FAM161B: variants seen among roughly 807,000 people sequenced by gnomAD.
FAM161B encodes the protein FAM161 centrosomal protein B.
A neutral mutation model predicts 61.5 loss-of-function variants in FAM161B; 46 were observed. That is an observed-to-expected ratio of 0.75 (90% CI 0.59 to 0.96). The LOEUF (loss-of-function observed/expected upper bound fraction) is 0.96. FAM161B is among the 40% of genes least tolerant of loss of function. The pLI is 0.00. For missense variants in FAM161B, 774 were observed against 800.7 expected, an observed-to-expected ratio of 0.97 and a Z score of 0.40; for synonymous variants, 284 against 302.7, an observed-to-expected ratio of 0.94 and a Z score of 0.64.
At chr14:73,938,975 T>C (rs2055995000) in intron 5 of FAM161B, among the ~76,000 whole-genome samples, 1 of 152,024 alleles carries the variant, frequency 6.6e-6, no homozygotes, top group Admixed American at 6.5e-5. Context: ...TAGAAGTGCA[T>C]TTACTGAACT....
At chr14:73,923,417 A>C in the FAM161B span, 2 of 1,613,772 alleles carry the variant, frequency 1.2e-6, no homozygotes, top group Non-Finnish European at 1.7e-6. Flanking sequence ...AAGGATCCCC[A>C]CGTTCCCTGT....
chr14:73,928,744 G>C (rs1389984163), downstream of FAM161B, among the ~76,000 whole-genome samples: 1 of 152,110 alleles, frequency 6.6e-6, no homozygotes, highest in Non-Finnish European at 1.5e-5. Flanking sequence ...AGAAGTTCGA[G>C]ACAAGCCTGG....
At chr14:73,947,299 C>T (rs184435386) in intron 1 of FAM161B, among the ~76,000 whole-genome samples, 3 of 150,060 alleles carry the variant, frequency 2.0e-5, no homozygotes, top group South Asian at 4.2e-4. Flanking sequence ...GCAGGAGAAT[C>T]GCTTGAACCC....
At chr14:73,945,003 C>T in intron 2 of FAM161B, 118 bp from the exon 3 acceptor site, 6 of 714,178 alleles carry the variant, frequency 8.4e-6, no homozygotes, top group Non-Finnish European at 1.0e-5. Flanking sequence ...CAGCCTAACA[C>T]CACAGCCCCA....
At chr14:73,937,498 G>A (rs2055979517) in intron 7 of FAM161B, 104 bp downstream of exon 7, 1 of 979,312 alleles carries the variant, frequency 1.0e-6, no homozygotes, top group Non-Finnish European at 1.6e-6. Context: ...AGAATTTCTG[G>A]GCCTCAAGGA....
chr14:73,935,900 G>A, intron 8 of FAM161B, 49 bp downstream of exon 8: 1 of 1,576,250 alleles, frequency 6.3e-7, no homozygotes. Flanking sequence ...GGTATTACTG[G>A]GTATGACAAT....
downstream of FAM161B, chr14:73,927,236 C>A: frequency 4.4e-6 from 1 of 228,446 alleles, no homozygotes; most frequent in South Asian, 3.8e-5. Flanking sequence ...CAGGCAGGTG[C>A]CACCACGCCC....
chr14:73,929,844 G>A (rs2055885572), downstream of FAM161B, among the ~76,000 whole-genome samples: 1 of 151,910 alleles, frequency 6.6e-6, no homozygotes, highest in Non-Finnish European at 1.5e-5. Context: ...ATTACCATGG[G>A]AAAAATATCA....
At chr14:73,946,068 T>C (rs1421630188) in intron 2 of FAM161B, among the ~76,000 whole-genome samples, 1 of 152,190 alleles carries the variant, frequency 6.6e-6, no homozygotes, top group Non-Finnish European at 1.5e-5. Flanking sequence ...TTAATTCCAG[T>C]GCATCACTGG....
Position 73,944,899 on chromosome 14 carries a change from A to G in FAM161B, c.375-14T>C. The G allele has an allele frequency of 6.7e-7, 1 of 1,503,024 alleles. No homozygotes were observed. The highest frequency in any genetic ancestry group is 8.9e-7 in the Non-Finnish European group (1 of 1,129,542). 93.1% of individuals were successfully genotyped at this position (1,503,024 alleles called of 1,614,324 possible). A position where few individuals can be genotyped will look rare whatever the true frequency, so the allele number is the denominator to read the frequency against. ...GTGGAGCCACACCTGGGAAAAAAGC[A>G]GATCTGTGAGTGGAGGACAGGGCAG... On this transcript the variant is annotated splice_polypyrimidine_tract_variant and intron_variant, in intron 2 of 8. Transcript: ENST00000286544.
the FAM161B span, chr14:73,924,728 G>A: frequency 4.6e-6 from 2 of 438,550 alleles, no homozygotes; most frequent in Non-Finnish European, 9.0e-6. Flanking sequence ...CCAGGCTGGA[G>A]TGCAGTGGTG....
At chr14:73,938,262 C>T in intron 5 of FAM161B, 150 bp from the exon 6 acceptor site, 2 of 771,730 alleles carry the variant, frequency 2.6e-6, no homozygotes, top group Non-Finnish European at 4.1e-6. Context: ...AGTCCAAGAC[C>T]AGCCTGGCCA....
chr14:73,939,923 C>T (rs2056003151), intron 5 of FAM161B, among the ~76,000 whole-genome samples: 1 of 152,354 alleles, frequency 6.6e-6, no homozygotes, highest in Admixed American at 6.5e-5. Flanking sequence ...AGGCCAGCCT[C>T]TTTGTTCAGG....
chr14:73,924,713 G>A, the FAM161B span: 14 of 443,338 alleles, frequency 3.2e-5, no homozygotes, highest in East Asian at 7.0e-5. Context: ...GTCTCGCTCC[G>A]TTGCCCAGGC....
At chr14:73,946,182 T>A in intron 2 of FAM161B, 104 bp downstream of exon 2, 1 of 1,237,256 alleles carries the variant, frequency 8.1e-7, no homozygotes, top group Non-Finnish European at 1.1e-6. Context: ...AATGGCAACT[T>A]GCAGAAGTGC....
intron 4 of FAM161B, 28 bp downstream of exon 4, chr14:73,942,341 A>T (rs1210807988): frequency 6.2e-7 from 1 of 1,604,466 alleles, no homozygotes; most frequent in Admixed American, 1.7e-5. Context: ...CGCAGCCCTG[A>T]CCCTCCCACA....
Position 73,932,609 on chromosome 14 carries a change from C to T in FAM161B, c.*1647G>A, listed in dbSNP as rs1231974139. 2.6e-6 allele frequency: 1 copy of T among 384,032 alleles called. No homozygotes were observed. Among genetic ancestry groups the T allele is most frequent in the Middle Eastern group, 3.8e-4 (1 of 2,638 alleles). 23.8% of individuals were successfully genotyped at this position (384,032 alleles called of 1,614,324 possible). On this transcript the variant is annotated 3_prime_UTR_variant, in exon 9 of 9. Coordinates refer to ENST00000286544, the MANE Select transcript of FAM161B (RefSeq NM_152445.3). ...ATCAGTCATCCTGTCTCCACAGCTA[C>T]TGAGAAAATATCCACTCATCATCAT...
chr14:73,930,311 A>G (rs1000932910), downstream of FAM161B, among the ~76,000 whole-genome samples: 46 of 152,234 alleles, frequency 3.0e-4, no homozygotes, highest in African/African-American at 1.0e-3. Context: ...TTTAAATTCC[A>G]TATAATTAAA....
rs2056064130 is a variant in FAM161B, at chr14:73,946,168, A to G, written c.374+118T>C. ...AAAGCTGATTCTCAGCTAGAGCCTC[A>G]GTAAATGGCAACTTGCAGAAGTGCT... On this transcript the variant is annotated intron_variant, in intron 2 of 8. Transcript: ENST00000286544. The G allele has an allele frequency of 1.1e-5, 12 of 1,055,222 alleles. No homozygotes were observed. The South Asian group carries it at 1.8e-4, about 16-fold the overall frequency. 65.4% of individuals were successfully genotyped at this position (1,055,222 alleles called of 1,614,324 possible). A position where few individuals can be genotyped will look rare whatever the true frequency, so the allele number is the denominator to read the frequency against.
Sources: gnomAD v4.1 joint callset for allele counts (sites outside exome capture counted in the v4.1 genomes callset) on GRCh38, gnomAD v4.1.1 for gene constraint, MANE v1.5 for transcripts, NCBI Gene and HGNC (gene_info 2026-07-23, HGNC 2026-07-21) for gene names.